TMEM132D: variants seen among roughly 807,000 people sequenced by gnomAD.
TMEM132D encodes transmembrane protein 132D, also known as mature OL transmembrane protein.
Under a neutral mutation model 62.3 loss-of-function variants are expected in TMEM132D, and 21 were observed. The observed-to-expected ratio is 0.34, with a 90% CI of 0.24 to 0.49. TMEM132D has a LOEUF of 0.49. TMEM132D is among the 20% of genes least tolerant of loss of function. The pLI is 0.99. For missense variants in TMEM132D, 1,346 were observed against 1,402.8 expected, an observed-to-expected ratio of 0.96 and a Z score of 0.65; for synonymous variants, 621 against 575.6, an observed-to-expected ratio of 1.08 and a Z score of -1.13.
intron 4 of TMEM132D, among the ~76,000 whole-genome samples, chr12:129,310,391 A>G (rs1297767460): frequency 6.6e-6 from 1 of 152,204 alleles, no homozygotes; most frequent in Admixed American, 6.5e-5. Context: ...GCTGTTACCA[A>G]TCCTTGGCCT....
At chr12:129,408,024 T>C (rs76935943) in intron 3 of TMEM132D, among the ~76,000 whole-genome samples, 2,381 of 152,230 alleles carry the variant, frequency 0.016, 67 homozygotes, top group African/African-American at 0.053. Context: ...GGCTTCACTA[T>C]ACTCTCACAG....
intron 1 of TMEM132D, among the ~76,000 whole-genome samples, chr12:129,741,323 A>G (rs115209969): frequency 7.3e-4 from 111 of 152,274 alleles, no homozygotes; most frequent in African/African-American, 2.6e-3. Flanking sequence ...ATTAACAGAG[A>G]CTGCTTCCTA....
chr12:129,720,610 G>A (rs1868788048), intron 1 of TMEM132D, among the ~76,000 whole-genome samples: 1 of 152,126 alleles, frequency 6.6e-6, no homozygotes, highest in Non-Finnish European at 1.5e-5. Context: ...CTAGGGAGAC[G>A]TTGGCACAAT....
At position 129,286,787 on chromosome 12, in the gene TMEM132D, C is replaced by T. The variant is rs147313442; in HGVS notation, c.1299+50847G>A. ...AGGGAGCCAAGCATGGTGGCTTATG[C>T]CTGTAATCCCAGCATGTCGGGAGGC... is the stretch of plus-strand genomic sequence containing the variant. On this transcript the variant is annotated intron_variant, in intron 4 of 8. Transcript: ENST00000422113. 2.5e-3 allele frequency among the ~76,000 whole-genome samples: 380 copies of T among 152,180 alleles called. 6 individuals carry two copies. Among genetic ancestry groups the T allele is most frequent in the Non-Finnish European group, 1.5e-3 (101 of 67,996 alleles).
At chr12:129,456,624 C>T (rs1250454488) in intron 3 of TMEM132D, among the ~76,000 whole-genome samples, 2 of 152,136 alleles carry the variant, frequency 1.3e-5, no homozygotes, top group Non-Finnish European at 2.9e-5. Context: ...AGGGAAGTGG[C>T]CAAATCACCA....
chr12:129,554,100 C>T lies in TMEM132D; in HGVS notation c.969-22895G>A, dbSNP rs117187057. ...AATTCCTGTCTTCTCCATACTCCCCCCTGTGTGATTATGTCCCTTCCACAG... is the reference window on the plus strand; with the variant it reads ...AATTCCTGTCTTCTCCATACTCCCCTCTGTGTGATTATGTCCCTTCCACAG... On this transcript the variant is annotated intron_variant, in intron 2 of 8. Transcript: ENST00000422113. Among the ~76,000 whole-genome samples, 302 of 152,278 alleles carry T rather than the reference C, an allele frequency of 2.0e-3. 8 individuals carry two copies. The East Asian group carries it at 0.051, about 26-fold the overall frequency.
chr12:129,096,392 G>A (rs1016822951), intron 5 of TMEM132D, among the ~76,000 whole-genome samples: 1 of 152,126 alleles, frequency 6.6e-6, no homozygotes, highest in African/African-American at 2.4e-5. Flanking sequence ...GAAGGACCCA[G>A]GATGGCAGCG....
intron 4 of TMEM132D, among the ~76,000 whole-genome samples, chr12:129,249,004 A>G (rs916595661): frequency 6.6e-6 from 1 of 152,184 alleles, no homozygotes; most frequent in Non-Finnish European, 1.5e-5. Context: ...AAGACATGGA[A>G]TCAACCCAAG....
chr12:129,439,202 T>C (rs564518110), intron 3 of TMEM132D, among the ~76,000 whole-genome samples: 1 of 152,342 alleles, frequency 6.6e-6, no homozygotes, highest in South Asian at 2.1e-4. Flanking sequence ...CTGTCTAAAC[T>C]AAATGCTCAT....
At chr12:129,531,231 T>C (rs1272600549) in intron 2 of TMEM132D, 26 bp from the exon 3 acceptor site, 1 of 1,590,898 alleles carries the variant, frequency 6.3e-7, no homozygotes, top group Non-Finnish European at 8.6e-7. Flanking sequence ...CGTGTGGGTC[T>C]GAGTCAGCTC....
chr12:129,545,943 G>C (rs950959472), intron 2 of TMEM132D, among the ~76,000 whole-genome samples: 6 of 152,132 alleles, frequency 3.9e-5, no homozygotes, highest in Non-Finnish European at 7.4e-5. Flanking sequence ...GTCTACATGG[G>C]AATCATAGCA....
At chr12:129,677,375 C>T (rs1196748742) in intron 2 of TMEM132D, among the ~76,000 whole-genome samples, 2 of 152,158 alleles carry the variant, frequency 1.3e-5, no homozygotes, top group Admixed American at 6.5e-5. Context: ...GATCATGAGG[C>T]CTCCCCAACC....
At chr12:129,860,384 G>A (rs1377976466) in intron 1 of TMEM132D, among the ~76,000 whole-genome samples, 2 of 152,192 alleles carry the variant, frequency 1.3e-5, no homozygotes, top group Non-Finnish European at 2.9e-5. Flanking sequence ...TTAACTTGGA[G>A]TAGATTGATA....
chr12:129,630,078 C>T (rs1879316034), intron 2 of TMEM132D, among the ~76,000 whole-genome samples: 2 of 152,188 alleles, frequency 1.3e-5, no homozygotes, highest in Admixed American at 1.3e-4. Context: ...AACAGACACA[C>T]AAAAAGAACT....
At chr12:129,130,119 C>G (rs981039147) in intron 5 of TMEM132D, among the ~76,000 whole-genome samples, 5 of 148,840 alleles carry the variant, frequency 3.4e-5, no homozygotes, top group Non-Finnish European at 6.0e-5. Flanking sequence ...GGGGTGTTCA[C>G]TGTGATGTGT....
At chr12:129,902,127 C>T (rs1374023838) in intron 1 of TMEM132D, among the ~76,000 whole-genome samples, 1 of 152,184 alleles carries the variant, frequency 6.6e-6, no homozygotes, top group African/African-American at 2.4e-5. Flanking sequence ...TCACAGAACT[C>T]GGCATTTCAA....
intron 1 of TMEM132D, among the ~76,000 whole-genome samples, chr12:129,830,717 C>T (rs1206171222): frequency 6.6e-6 from 1 of 152,124 alleles, no homozygotes; most frequent in East Asian, 1.9e-4. Context: ...GGAGATAAAC[C>T]TCCCAAAATG....
At chr12:129,326,857 T>C (rs147352045) in intron 4 of TMEM132D, among the ~76,000 whole-genome samples, 190 of 152,264 alleles carry the variant, frequency 1.2e-3, no homozygotes, top group African/African-American at 4.0e-3. Context: ...TTATAAACTA[T>C]AAATAAAAGA....
chr12:129,637,602 T>C (rs1228207387), intron 2 of TMEM132D, among the ~76,000 whole-genome samples: 3 of 152,122 alleles, frequency 2.0e-5, no homozygotes, highest in East Asian at 1.9e-4. Context: ...CCTTCCACCA[T>C]GAGTAAAAGC....
Sources: gnomAD v4.1 joint callset for allele counts (sites outside exome capture counted in the v4.1 genomes callset) on GRCh38, gnomAD v4.1.1 for gene constraint, MANE v1.5 for transcripts, NCBI Gene and HGNC (gene_info 2026-07-23, HGNC 2026-07-21) for gene names.